Variants in IPO9 observed in about 807,000 individuals in gnomAD.
The protein encoded by IPO9 is importin-9.
Under a neutral mutation model 128.6 loss-of-function variants are expected in IPO9, and 28 were observed. The ratio of observed to expected loss-of-function variants is 0.22; its 90% CI spans 0.16 to 0.30. The LOEUF is 0.30. Ranked by LOEUF, IPO9 falls within the 10% of genes least tolerant of loss-of-function variation. IPO9 has a pLI of 1.00. For synonymous variants in IPO9, 455 were observed against 475.8 expected (o/e 0.96, Z 0.57); for missense variants, 935 against 1,293.9 (o/e 0.72, Z 4.26).
chr1:201,840,245 G>C (rs550008876), intron 1 of IPO9, among the ~76,000 whole-genome samples: 1 of 152,034 alleles, frequency 6.6e-6, no homozygotes, highest in Non-Finnish European at 1.5e-5. Context: ...ATGAGCCACC[G>C]TGCCCAGCTA....
chr1:201,862,860 TG>T (rs980316746), intron 13 of IPO9, among the ~76,000 whole-genome samples: 2 of 150,700 alleles, frequency 1.3e-5, no homozygotes, highest in African/African-American at 4.9e-5. Flanking sequence ...TAATGAGAGC[TG>T]GGGGTGAGGA....
intron 1 of IPO9, among the ~76,000 whole-genome samples, chr1:201,834,245 T>C (rs1679887046): frequency 6.6e-6 from 1 of 151,188 alleles, no homozygotes; most frequent in Non-Finnish European, 1.5e-5. Context: ...GTCTAAAGCA[T>C]GCTTTCTAAT....
At chr1:201,859,236 T>G (rs531335151) in intron 13 of IPO9, among the ~76,000 whole-genome samples, 92 of 145,486 alleles carry the variant, frequency 6.3e-4, no homozygotes, top group Non-Finnish European at 1.3e-3. Context: ...TGTCATTAAC[T>G]TGGTTATATT....
Position 201,876,643 on chromosome 1 carries a change from G to A in IPO9, c.*589G>A, listed in dbSNP as rs544388725. The A allele has an allele frequency of 1.6e-4, 26 of 159,184 alleles. 1 individual carries two copies. The South Asian group carries it at 2.7e-3, about 17-fold the overall frequency. The allele number at this position is 159,184 out of a possible 1,614,324, so 9.9% of individuals were successfully genotyped here. Reference sequence around the variant, plus strand: ...TAAGGCTCCTCTGTCAGAGGAGGTCGTCTTGTTTTTGCTTCATTGCATGAC... The same window carrying A: ...TAAGGCTCCTCTGTCAGAGGAGGTCATCTTGTTTTTGCTTCATTGCATGAC... On this transcript the variant is annotated 3_prime_UTR_variant, in exon 24 of 24. Coordinates refer to ENST00000361565, the MANE Select transcript of IPO9 (RefSeq NM_018085.5).
At chr1:201,867,201 TAATA>T (rs1238521852) in intron 15 of IPO9, among the ~76,000 whole-genome samples, 2 of 152,136 alleles carry the variant, frequency 1.3e-5, no homozygotes, top group Non-Finnish European at 2.9e-5. Flanking sequence ...GGGATAAAGA[TAATA>T]AATAAAGGGC....
At chr1:201,829,521 G>T in intron 1 of IPO9, 149 bp downstream of exon 1, 1 of 792,096 alleles carries the variant, frequency 1.3e-6, no homozygotes, top group South Asian at 3.1e-5. Flanking sequence ...GATGTCGCTG[G>T]TGGTTGTGAA....
In IPO9 at chr1:201,863,504, A is replaced by G. The variant is rs1680490257; in HGVS notation, c.1525A>G (p.Met509Val). The G allele has an allele frequency of 3.1e-6, 5 of 1,600,418 alleles. No homozygotes were observed. The highest frequency in any genetic ancestry group is 2.2e-5 in the East Asian group (1 of 44,570). Residue 509 changes from methionine (M) to valine (V), a missense_variant, in exon 14 of 24, where the codon ATG becomes GTG. By Grantham distance (21) the Met-to-Val change is conservative. Transcript: ENST00000361565. Reference sequence around the variant, plus strand: ...GGCTGCCAGTCGGTTCACTGTTGCTATGTCCCCTGAACTGATCCAGCAGTT... The same window carrying G: ...GGCTGCCAGTCGGTTCACTGTTGCTGTGTCCCCTGAACTGATCCAGCAGTT... ...LWAASRFTVA[M>V]SPELIQQFLQ...
intron 12 of IPO9, 70 bp from the exon 13 acceptor site, chr1:201,858,785 T>A: frequency 3.3e-6 from 5 of 1,503,212 alleles, no homozygotes; most frequent in Non-Finnish European, 3.6e-6. Context: ...TTTCTGAATC[T>A]TGTTTCCTCA....
chr1:201,850,468 A>G (rs1228857548), intron 4 of IPO9: 5 of 152,216 alleles, frequency 3.3e-5, no homozygotes, highest in African/African-American at 1.2e-4. Context: ...ACTAAGGCTC[A>G]TGGTGTAAAG....
chr1:201,872,783 C>T (rs778061565), intron 19 of IPO9, 45 bp from the exon 20 acceptor site: 7 of 1,579,428 alleles, frequency 4.4e-6, no homozygotes, highest in Admixed American at 1.8e-5. Context: ...GGAGTGAACT[C>T]GAGATGGGCG....
At position 201,853,056 on chromosome 1, in the gene IPO9, A is replaced by G. The variant is rs1558219337; in HGVS notation, c.649A>G (p.Thr217Ala). 2 of 1,614,056 alleles carry G rather than the reference A, an allele frequency of 1.2e-6. No individual in the cohort carries two copies. Among genetic ancestry groups the G allele is most frequent in the Non-Finnish European group, 1.7e-6 (2 of 1,179,982 alleles). Reference sequence around the variant, plus strand: ...TTCCCGAGCCGTGGAGATTTTTACCACTTGTGCCCATATGATCTGTAACAT... The same window carrying G: ...TTCCCGAGCCGTGGAGATTTTTACCGCTTGTGCCCATATGATCTGTAACAT... ...TRSRAVEIFT[T>A]CAHMICNMEE... Residue 217 changes from threonine to alanine, a missense_variant, in exon 6 of 24, where the codon ACT becomes GCT. Transcript: ENST00000361565.
intron 4 of IPO9, among the ~76,000 whole-genome samples, chr1:201,851,405 G>GAA (rs1680214896): frequency 6.6e-6 from 1 of 151,448 alleles, no homozygotes; most frequent in Non-Finnish European, 1.5e-5. Context: ...CTGCTGCTTT[G>GAA]TAACATGAAT....
chr1:201,834,137 C>A (rs866541664), intron 1 of IPO9, among the ~76,000 whole-genome samples: 3 of 151,644 alleles, frequency 2.0e-5, no homozygotes, highest in African/African-American at 4.8e-5. Context: ...AAATTTACTT[C>A]TACCTAAATA....
chr1:201,858,769 T>G, intron 12 of IPO9, 86 bp from the exon 13 acceptor site: 1 of 1,373,530 alleles, frequency 7.3e-7, no homozygotes, highest in Admixed American at 1.9e-5. Flanking sequence ...TGTGCTGGAG[T>G]GCCCTTTTCT....
intron 13 of IPO9, among the ~76,000 whole-genome samples, chr1:201,860,105 C>T (rs927659500): frequency 2.6e-5 from 4 of 152,222 alleles, no homozygotes; most frequent in African/African-American, 7.2e-5. Context: ...AGCCAGATCA[C>T]CATCCGAAAA....
At chr1:201,855,670 G>A (rs1001332826) in intron 9 of IPO9, 113 bp from the exon 10 acceptor site, 1 of 930,468 alleles carries the variant, frequency 1.1e-6, no homozygotes, top group African/African-American at 1.7e-5. Context: ...ATGATCATTA[G>A]CAAGTACTTT....
chr1:201,864,999 T>C (rs2102885229), intron 14 of IPO9, among the ~76,000 whole-genome samples: 1 of 152,322 alleles, frequency 6.6e-6, no homozygotes, highest in Non-Finnish European at 1.5e-5. Context: ...CACTCATATA[T>C]GTTTACAAAA....
intron 10 of IPO9, 101 bp from the exon 11 acceptor site, chr1:201,856,993 TAG>T (rs1314989657): frequency 2.5e-6 from 2 of 815,756 alleles, no homozygotes; most frequent in Non-Finnish European, 2.1e-6. Context: ...AGCAAAAGGC[TAG>T]AGTTTTTTCA....
At chr1:201,852,073 T>G (rs1680227174) in intron 4 of IPO9, 31 bp from the exon 5 acceptor site, 1 of 1,371,626 alleles carries the variant, frequency 7.3e-7, no homozygotes. Context: ...GCAGTATTTT[T>G]TTTTTAACAG....
Sources: allele counts gnomAD v4.1 joint callset (sites outside exome capture counted in the v4.1 genomes callset), GRCh38; gene constraint gnomAD v4.1.1; transcripts MANE v1.5; gene names NCBI Gene and HGNC (gene_info 2026-07-23, HGNC 2026-07-21).